The following TTC17 variants were observed in gnomAD, a reference collection of about 807,000 sequenced individuals.
TTC17 encodes the protein tetratricopeptide repeat protein 17.
A neutral mutation model predicts 143.8 loss-of-function variants in TTC17; 58 were observed. That is an observed-to-expected ratio of 0.40 (90% confidence interval 0.33 to 0.50). The LOEUF is 0.50. Ranked by LOEUF, TTC17 falls within the 20% of genes least tolerant of loss-of-function variation. TTC17 has a pLI of 0.49. For synonymous variants in TTC17, 501 were observed against 497.8 expected, an observed-to-expected ratio of 1.01 and a Z score of -0.09; for missense variants, 1,273 against 1,392.5, an observed-to-expected ratio of 0.91 and a Z score of 1.37.
intron 5 of TTC17, among the ~76,000 whole-genome samples, chr11:43,393,485 C>T (rs1006718332): frequency 2.0e-5 from 3 of 152,148 alleles, no homozygotes; most frequent in African/African-American, 7.2e-5. Flanking sequence ...AATGTGTTCA[C>T]CAACCCAGAA....
intron 21 of TTC17, among the ~76,000 whole-genome samples, chr11:43,487,889 G>A (rs1948407951): frequency 6.6e-6 from 1 of 152,158 alleles, no homozygotes; most frequent in African/African-American, 2.4e-5. Context: ...ACAGGACCCT[G>A]GTGTGTCTGT....
intron 11 of TTC17, among the ~76,000 whole-genome samples, chr11:43,404,710 A>C (rs944139758): frequency 6.6e-6 from 1 of 152,168 alleles, no homozygotes; most frequent in African/African-American, 2.4e-5. Context: ...AATTTAATCA[A>C]GGGTTTAACA....
chr11:43,428,170 A>G (rs1341644344), intron 16 of TTC17, among the ~76,000 whole-genome samples: 1 of 152,160 alleles, frequency 6.6e-6, no homozygotes, highest in Non-Finnish European at 1.5e-5. Context: ...TGAAAGTTAT[A>G]AACTAGTGTC....
intron 16 of TTC17, among the ~76,000 whole-genome samples, chr11:43,437,683 C>G (rs1321748689): frequency 6.6e-6 from 1 of 152,078 alleles, no homozygotes; most frequent in African/African-American, 2.4e-5. Context: ...TACTCAGAAC[C>G]CAGTAAATGT....
intron 21 of TTC17, among the ~76,000 whole-genome samples, chr11:43,455,229 G>C (rs572819099): frequency 2.2e-4 from 34 of 151,836 alleles, no homozygotes; most frequent in African/African-American, 8.2e-4. Context: ...ACAGTCTGTA[G>C]AACAGACTAA....
intron 18 of TTC17, chr11:43,447,771 G>A: frequency 2.3e-6 from 1 of 443,124 alleles, no homozygotes. Context: ...ATCTAGCAAA[G>A]GACTCATTTA....
intron 21 of TTC17, among the ~76,000 whole-genome samples, chr11:43,484,850 AGT>A (rs752375272): frequency 3.3e-5 from 5 of 152,252 alleles, no homozygotes; most frequent in Non-Finnish European, 5.9e-5. Flanking sequence ...GCAGAAGGTG[AGT>A]GGCAGGTGAA....
intron 7 of TTC17, 73 bp from the exon 8 acceptor site, chr11:43,397,901 C>CGT (rs368934799): frequency 0.018 from 22,107 of 1,244,404 alleles, 258 homozygotes; most frequent in Admixed American, 0.028. Flanking sequence ...TTTTTTTTTC[C>CGT]GTGTGTGTGT....
rs377697650 is a variant in TTC17 at position 43,472,728 on chromosome 11, A to C, written c.3031-17511A>C. Among the ~76,000 whole-genome samples the C allele has an allele frequency of 8.3e-4, 127 of 152,198 alleles. 1 individual carries two copies. The South Asian group carries it at 0.025, about 30-fold the overall frequency. The stretch of plus-strand genomic sequence containing the variant: ...ACAAACTACTCATTTTTAAAAAGCC[A>C]CATGGAACATTTACCATCTTGATCA... On this transcript the variant is annotated intron_variant, in intron 21 of 23. Coordinates refer to ENST00000039989, the MANE Select transcript of TTC17 (RefSeq NM_018259.6).
chr11:43,417,113 T>G (rs1172792942), intron 16 of TTC17, among the ~76,000 whole-genome samples: 1 of 152,306 alleles, frequency 6.6e-6, no homozygotes, highest in East Asian at 1.9e-4. Context: ...TGATTTTGAG[T>G]TACTTATTTC....
chr11:43,491,910 TTCTAA>T, intron 22 of TTC17, 105 bp from the exon 23 acceptor site: 1 of 1,451,966 alleles, frequency 6.9e-7, no homozygotes, highest in Non-Finnish European at 9.5e-7. Context: ...AGTGGCACTG[TTCTAA>T]TCATTCACCA....
At chr11:43,452,417 T>C (rs1217550149) in intron 21 of TTC17, among the ~76,000 whole-genome samples, 1 of 152,006 alleles carries the variant, frequency 6.6e-6, no homozygotes, top group Non-Finnish European at 1.5e-5. Context: ...GGAGAATCAG[T>C]GCTAACCCAG....
chr11:43,453,397 A>G (rs983405332), intron 21 of TTC17, among the ~76,000 whole-genome samples: 14 of 152,182 alleles, frequency 9.2e-5, no homozygotes, highest in Non-Finnish European at 1.5e-4. Context: ...AGAGAAAGAA[A>G]GAAAATATAA....
chr11:43,439,690 C>T (rs1252578981), intron 16 of TTC17, among the ~76,000 whole-genome samples: 1 of 152,028 alleles, frequency 6.6e-6, no homozygotes, highest in Non-Finnish European at 1.5e-5. Context: ...AGGCTGGTCT[C>T]GAACTCCTGA....
At chr11:43,359,149 C>T in intron 1 of TTC17, 36 bp downstream of exon 1, 1 of 1,540,524 alleles carries the variant, frequency 6.5e-7, no homozygotes, top group South Asian at 1.2e-5. Context: ...CCCGTGCCCG[C>T]CCTCGCCCCG....
chr11:43,382,259 T>A (rs1856998673), intron 2 of TTC17, among the ~76,000 whole-genome samples: 2 of 152,316 alleles, frequency 1.3e-5, no homozygotes, highest in South Asian at 4.1e-4. Flanking sequence ...AGACCCTCAC[T>A]TCAGCTGAAA....
At chr11:43,439,290 A>G (rs1947361407) in intron 16 of TTC17, among the ~76,000 whole-genome samples, 1 of 152,056 alleles carries the variant, frequency 6.6e-6, no homozygotes. Flanking sequence ...TCTTCATTTA[A>G]TGTGGTTTTG....
chr11:43,370,795 GGTTTGTTT>G (rs67992959), intron 1 of TTC17, among the ~76,000 whole-genome samples: 5,119 of 150,644 alleles, frequency 0.034, 107 homozygotes, highest in Middle Eastern at 0.08. Context: ...AGAGGGGGCA[GGTTTGTTT>G]GTTTGTTTGT....
chr11:43,401,372 G>T, intron 9 of TTC17, 74 bp from the exon 10 acceptor site: 2 of 1,006,536 alleles, frequency 2.0e-6, no homozygotes, highest in South Asian at 2.9e-5. Flanking sequence ...GATACTAAAT[G>T]ACTTAGTCTA....
Sources: allele counts gnomAD v4.1 joint callset (sites outside exome capture counted in the v4.1 genomes callset), GRCh38; gene constraint gnomAD v4.1.1; transcripts MANE v1.5; gene names NCBI Gene and HGNC (gene_info 2026-07-23, HGNC 2026-07-21).